The following RORA variants were observed in gnomAD, a reference collection of about 807,000 sequenced individuals.
RORA encodes the protein RAR related orphan receptor A.
Under a neutral mutation model 69.5 loss-of-function variants are expected in RORA, and 7 were observed. That is an observed-to-expected ratio of 0.10 (90% CI 0.06 to 0.19). The LOEUF (loss-of-function observed/expected upper bound fraction) is 0.19, where lower values mean the gene tolerates loss of function less well. Ranked by LOEUF, RORA falls within the 10% of genes least tolerant of loss-of-function variation. RORA has a pLI of 1.00. For synonymous variants in RORA, 261 were observed against 240.8 expected, an observed-to-expected ratio of 1.08 and a Z score of -0.78; for missense variants, 457 against 663.0, an observed-to-expected ratio of 0.69 and a Z score of 3.41.
chr15:61,150,305 C>T (rs2079386963), intron 1 of RORA, among the ~76,000 whole-genome samples: 1 of 152,204 alleles, frequency 6.6e-6, no homozygotes, highest in South Asian at 2.1e-4. Flanking sequence ...TAAAGCTCTA[C>T]ATCAATTGCC....
chr15:60,545,504 T>C (rs937040637), intron 2 of RORA, among the ~76,000 whole-genome samples: 6 of 152,236 alleles, frequency 3.9e-5, no homozygotes, highest in African/African-American at 1.4e-4. Context: ...ATGAGCTGAT[T>C]AGTATGGAAC....
chr15:60,796,113 A>G (rs1225675300), intron 1 of RORA, among the ~76,000 whole-genome samples: 3 of 152,228 alleles, frequency 2.0e-5, no homozygotes, highest in African/African-American at 7.2e-5. Flanking sequence ...TAGGAGTGAG[A>G]CAGGCCTTAG....
intron 1 of RORA, among the ~76,000 whole-genome samples, chr15:60,759,652 C>G (rs1275413066): frequency 1.3e-5 from 2 of 152,194 alleles, no homozygotes; most frequent in Non-Finnish European, 2.9e-5. Flanking sequence ...CTAATGTAAT[C>G]TGACATCGTC....
chr15:60,594,066 T>C (rs2068614254), intron 2 of RORA, among the ~76,000 whole-genome samples: 1 of 152,162 alleles, frequency 6.6e-6, no homozygotes. Flanking sequence ...ATAAATTCAT[T>C]CTAATACAGC....
chr15:61,039,808 A>G (rs987450271), intron 1 of RORA, among the ~76,000 whole-genome samples: 1 of 150,700 alleles, frequency 6.6e-6, no homozygotes, highest in African/African-American at 2.4e-5. Flanking sequence ...TGTGCATGGG[A>G]ACTTACCAAA....
chr15:60,821,905 T>A (rs7169281), intron 1 of RORA, among the ~76,000 whole-genome samples: 2 of 152,024 alleles, frequency 1.3e-5, no homozygotes, highest in Non-Finnish European at 2.9e-5. Context: ...CAGCTGAGGA[T>A]TGGAATCCAG....
At chr15:60,502,722 C>A (rs2141272548) in intron 8 of RORA, 38 bp downstream of exon 8, 1 of 1,237,228 alleles carries the variant, frequency 8.1e-7, no homozygotes, top group Non-Finnish European at 1.2e-6. Context: ...TTTCCTATAG[C>A]CCTGATTTGA....
chr15:60,771,880 C>G (rs184637084), intron 1 of RORA, among the ~76,000 whole-genome samples: 1 of 152,286 alleles, frequency 6.6e-6, no homozygotes, highest in East Asian at 1.9e-4. Flanking sequence ...ACATAGGTAG[C>G]ACGGTGCTGC....
At chr15:60,904,046 T>C (rs1891464357) in intron 1 of RORA, among the ~76,000 whole-genome samples, 1 of 152,156 alleles carries the variant, frequency 6.6e-6, no homozygotes, top group African/African-American at 2.4e-5. Context: ...GAACAGCATT[T>C]GTTTTGCCCT....
intron 1 of RORA, among the ~76,000 whole-genome samples, chr15:61,178,111 A>G (rs2079648443): frequency 6.6e-6 from 1 of 152,232 alleles, no homozygotes; most frequent in Non-Finnish European, 1.5e-5. Context: ...TACACTGGAA[A>G]GTGTGTTTAA....
intron 1 of RORA, among the ~76,000 whole-genome samples, chr15:60,948,010 T>C (rs1294067910): frequency 2.0e-5 from 3 of 152,144 alleles, no homozygotes; most frequent in Non-Finnish European, 4.4e-5. Flanking sequence ...GATGATTTCC[T>C]TGGATGTCAT....
intron 2 of RORA, among the ~76,000 whole-genome samples, chr15:60,674,477 T>C (rs2070522464): frequency 6.6e-6 from 1 of 152,220 alleles, no homozygotes; most frequent in Non-Finnish European, 1.5e-5. Flanking sequence ...GGGTGAAAAG[T>C]GAATACATTA....
intron 2 of RORA, among the ~76,000 whole-genome samples, chr15:60,590,636 G>T (rs1450113044): frequency 6.6e-6 from 1 of 151,590 alleles, no homozygotes; most frequent in East Asian, 1.9e-4. Flanking sequence ...ACTGCAGAGG[G>T]CATTTAAGAC....
At chr15:61,026,821 A>G (rs757872414) in intron 1 of RORA, among the ~76,000 whole-genome samples, 24 of 152,204 alleles carry the variant, frequency 1.6e-4, no homozygotes, top group Non-Finnish European at 2.9e-4. Flanking sequence ...TTCTGGGAGA[A>G]GTTGCTAGGT....
At chr15:60,523,172 T>C (rs1450603746) in intron 3 of RORA, among the ~76,000 whole-genome samples, 1 of 152,254 alleles carries the variant, frequency 6.6e-6, no homozygotes, top group African/African-American at 2.4e-5. Context: ...ATTTGAAAAC[T>C]ATTAACTGAG....
intron 1 of RORA, among the ~76,000 whole-genome samples, chr15:61,085,231 G>A (rs979176125): frequency 3.9e-5 from 6 of 152,146 alleles, no homozygotes; most frequent in Admixed American, 6.5e-5. Context: ...GTCCCAAGTC[G>A]TCACTCTTTC....
At chr15:60,747,003 T>A (rs976873385) in intron 1 of RORA, among the ~76,000 whole-genome samples, 4 of 152,186 alleles carry the variant, frequency 2.6e-5, no homozygotes, top group Non-Finnish European at 5.9e-5. Context: ...AATTGGGAAC[T>A]GATTACCATT....
chr15:60,621,946 G>A (rs1354046610), intron 2 of RORA, among the ~76,000 whole-genome samples: 1 of 152,132 alleles, frequency 6.6e-6, no homozygotes, highest in Non-Finnish European at 1.5e-5. Context: ...TACTCAGGAG[G>A]CTGAGGCAGG....
In RORA at chr15:60,886,690, C is replaced by T. The variant is rs1280005126; in HGVS notation, c.167-208004G>A. 1.3e-5 allele frequency among the ~76,000 whole-genome samples: 2 copies of T among 152,152 alleles called. 1 individual carries two copies. Among genetic ancestry groups the T allele is most frequent in the Admixed American group, 1.3e-4 (2 of 15,284 alleles). On this transcript the variant is annotated intron_variant, in intron 1 of 10. Transcript: ENST00000335670. Reference sequence around the variant, plus strand: ...AAAAAAGCAACTTTTCTTGCATGAACAATTGTAAGGATGATGAAAGAATCA... The same window carrying T: ...AAAAAAGCAACTTTTCTTGCATGAATAATTGTAAGGATGATGAAAGAATCA...
Sources: allele counts gnomAD v4.1 joint callset (sites outside exome capture counted in the v4.1 genomes callset), GRCh38; gene constraint gnomAD v4.1.1; transcripts MANE v1.5; gene names NCBI Gene and HGNC (gene_info 2026-07-23, HGNC 2026-07-21).